MTM1: variants seen among roughly 807,000 people sequenced by gnomAD.
MTM1 encodes the protein myotubularin.
MTM1 carries 9 observed loss-of-function variants against 52.1 expected under a neutral mutation model. That is an observed-to-expected ratio of 0.17 (90% CI 0.10 to 0.30). The LOEUF is 0.30. MTM1 is among the 10% of genes least tolerant of loss of function. MTM1 has a pLI of 1.00. For missense variants in MTM1, 277 were observed against 470.7 expected, an observed-to-expected ratio of 0.59 and a Z score of 3.81; for synonymous variants, 136 against 163.8, an observed-to-expected ratio of 0.83 and a Z score of 1.29.
intron 1 of MTM1, among the ~76,000 whole-genome samples, chrX:150,580,347 A>C (rs1557411830): frequency 8.9e-6 from 1 of 111,976 alleles, no homozygotes; most frequent in East Asian, 2.8e-4. Flanking sequence ...CGATAACAGA[A>C]TTTCCATCTG....
chrX:150,661,020 T>TTTG (rs782486616), intron 13 of MTM1, among the ~76,000 whole-genome samples: 9 of 111,167 alleles, frequency 8.1e-5, no homozygotes, highest in East Asian at 5.7e-4. Context: ...TTTTTGTTTG[T>TTTG]TTGTTGTTGT....
At chrX:150,583,586 T>C (rs1442828509) in intron 1 of MTM1, among the ~76,000 whole-genome samples, 2 of 31,784 alleles carry the variant, frequency 6.3e-5, no homozygotes, top group African/African-American at 3.4e-4. Context: ...ATATAATATA[T>C]ATAATTTATA....
chrX:150,626,937 C>G (rs2039579665), intron 6 of MTM1, among the ~76,000 whole-genome samples: 1 of 111,369 alleles, frequency 9.0e-6, no homozygotes, highest in South Asian at 3.8e-4. Context: ...CCTGCCTCCT[C>G]TAAGACTTGG....
intron 10 of MTM1, among the ~76,000 whole-genome samples, chrX:150,654,009 T>A (rs1374531219): frequency 9.0e-6 from 1 of 111,505 alleles, no homozygotes; most frequent in Admixed American, 9.5e-5. Context: ...GCACGAGATA[T>A]CAAAAGTGGA....
upstream of MTM1, among the ~76,000 whole-genome samples, chrX:150,566,488 C>T (rs2038264600): frequency 8.9e-6 from 1 of 111,740 alleles, no homozygotes; most frequent in Admixed American, 9.5e-5. Context: ...TCTGTTGCCT[C>T]ATTCGATCTC....
upstream of MTM1, among the ~76,000 whole-genome samples, chrX:150,565,501 T>G (rs1049082780): frequency 8.9e-6 from 1 of 111,981 alleles, no homozygotes; most frequent in Non-Finnish European, 1.9e-5. Context: ...GCCCAATACA[T>G]TGAACCTGGT....
chrX:150,614,745 T>C (rs782068885), intron 5 of MTM1, 46 bp downstream of exon 5: 2 of 677,490 alleles, frequency 3.0e-6, no homozygotes, highest in South Asian at 4.6e-5. Context: ...GGCACGTTAG[T>C]GTTGAATGAT....
intron 4 of MTM1, among the ~76,000 whole-genome samples, chrX:150,604,830 C>A (rs1366108278): frequency 9.0e-6 from 1 of 110,963 alleles, no homozygotes; most frequent in East Asian, 2.9e-4. Flanking sequence ...ATCGCACATT[C>A]CCTAGCCAGG....
In MTM1 at chrX:150,575,559, G is replaced by T. The variant is rs900946755; in HGVS notation, c.-11+6897G>T. Among the ~76,000 whole-genome samples, 4 of 111,392 alleles carry T rather than the reference G, an allele frequency of 3.6e-5. No individual in the cohort carries two copies. The South Asian group carries it at 1.5e-3, about 43-fold the overall frequency. On this transcript the variant is annotated intron_variant, in intron 1 of 14. Transcript: ENST00000370396. ...GCTCCCAGGTGATGCCAACAGTGTTGCTCTGTGGCTCCCACTCAGAGCAGC... is the reference window on the plus strand; with the variant it reads ...GCTCCCAGGTGATGCCAACAGTGTTTCTCTGTGGCTCCCACTCAGAGCAGC...
Position 150,671,812 on chromosome X carries a change from G to A in MTM1, c.*217G>A. 1 of 442,857 alleles carries A rather than the reference G, an allele frequency of 2.3e-6. No homozygotes were observed. The highest frequency in any genetic ancestry group is 3.8e-6 in the Non-Finnish European group (1 of 262,464). 36.5% of individuals were successfully genotyped at this position (442,857 alleles called of 1,213,427 possible). ...AAGAAAGGAGCTGAGATGAGGTTTT[G>A]GAAAACCCTGACACCTTTAAAAAGC... On this transcript the variant is annotated 3_prime_UTR_variant, in exon 15 of 15. Coordinates refer to ENST00000370396, the MANE Select transcript of MTM1 (RefSeq NM_000252.3).
chrX:150,655,977 G>A (rs1268656551), intron 10 of MTM1, among the ~76,000 whole-genome samples: 3 of 111,752 alleles, frequency 2.7e-5, no homozygotes, highest in Non-Finnish European at 5.6e-5. Context: ...ATACTTCTAA[G>A]TCTCAAATTT....
chrX:150,611,312 T>C (rs1569565428), intron 4 of MTM1, among the ~76,000 whole-genome samples: 1 of 112,352 alleles, frequency 8.9e-6, no homozygotes, highest in Admixed American at 9.4e-5. Flanking sequence ...CGACGCCAGG[T>C]ACTTTAAACT....
chrX:150,637,025 G>A (rs1416068421), intron 6 of MTM1, among the ~76,000 whole-genome samples: 5 of 111,923 alleles, frequency 4.5e-5, no homozygotes, highest in East Asian at 5.6e-4. Flanking sequence ...TCAGTGCATC[G>A]CTTAGCTAGG....
intron 4 of MTM1, among the ~76,000 whole-genome samples, chrX:150,603,631 A>G (rs1341974421): frequency 1.8e-5 from 2 of 111,962 alleles, no homozygotes; most frequent in Non-Finnish European, 3.8e-5. Context: ...TAGACATATT[A>G]CAGGAGAAGG....
upstream of MTM1, among the ~76,000 whole-genome samples, chrX:150,568,237 C>T (rs1243836070): frequency 1.8e-5 from 2 of 113,052 alleles, no homozygotes; most frequent in African/African-American, 6.4e-5. Context: ...TTCCCCTTTA[C>T]TGAAGAAAAA....
chrX:150,652,616 C>CAT (rs1292334745), intron 10 of MTM1, among the ~76,000 whole-genome samples: 2 of 84,502 alleles, frequency 2.4e-5, no homozygotes, highest in Admixed American at 2.8e-4. Context: ...TATATATATA[C>CAT]ATATATATAC....
intron 6 of MTM1, among the ~76,000 whole-genome samples, chrX:150,624,554 G>A (rs1294506429): frequency 9.0e-6 from 1 of 111,708 alleles, no homozygotes; most frequent in Non-Finnish European, 1.9e-5. Flanking sequence ...ACTCAGATGG[G>A]ATAATCAGAG....
intron 4 of MTM1, among the ~76,000 whole-genome samples, chrX:150,612,644 C>T (rs955986635): frequency 3.7e-5 from 4 of 109,427 alleles, no homozygotes; most frequent in Admixed American, 9.7e-5. Context: ...CAGGAGTTTG[C>T]GACCAGCCTG....
intron 10 of MTM1, 113 bp from the exon 11 acceptor site, chrX:150,657,708 T>A: frequency 1.4e-6 from 1 of 701,416 alleles, no homozygotes; most frequent in Non-Finnish European, 2.2e-6. Flanking sequence ...TTTTGATAAA[T>A]CTTTGTTCTG....
Sources: allele counts gnomAD v4.1 joint callset (sites outside exome capture counted in the v4.1 genomes callset), GRCh38; gene constraint gnomAD v4.1.1; transcripts MANE v1.5; gene names NCBI Gene and HGNC (gene_info 2026-07-23, HGNC 2026-07-21).